The following PDE4D variants were observed in gnomAD, a reference collection of about 807,000 sequenced individuals.
PDE4D encodes the protein phosphodiesterase 4D.
Under a neutral mutation model 87.4 loss-of-function variants are expected in PDE4D, and 24 were observed. The observed-to-expected ratio is 0.27, with a 90% CI of 0.20 to 0.39. The LOEUF (loss-of-function observed/expected upper bound fraction) is 0.39, where lower values mean the gene tolerates loss of function less well. Among genes scored for constraint, PDE4D ranks in the 10% least tolerant of loss-of-function variants. The pLI is 1.00. For missense variants in PDE4D, 714 were observed against 1,041.0 expected (o/e 0.69, Z 4.32); for synonymous variants, 384 against 383.2 (o/e 1.00, Z -0.02).
intron 1 of PDE4D, among the ~76,000 whole-genome samples, chr5:59,257,367 A>T (rs1281190134): frequency 6.6e-6 from 1 of 151,996 alleles, no homozygotes; most frequent in African/African-American, 2.4e-5. Flanking sequence ...TAAGAATATC[A>T]GTACCTGGCC....
At chr5:60,298,635 T>A (rs1753622183) in intron 1 of PDE4D, among the ~76,000 whole-genome samples, 1 of 152,252 alleles carries the variant, frequency 6.6e-6, no homozygotes, top group Non-Finnish European at 1.5e-5. Context: ...TTAGCTCTCC[T>A]ATCATTTTTT....
intron 1 of PDE4D, among the ~76,000 whole-genome samples, chr5:59,385,280 A>C (rs975944177): frequency 6.6e-6 from 1 of 152,144 alleles, no homozygotes; most frequent in African/African-American, 2.4e-5. Context: ...GTCACATTTT[A>C]TAGAAGCTCA....
intron 1 of PDE4D, chr5:59,217,928 G>A (rs906353749): frequency 4.7e-6 from 2 of 423,030 alleles, no homozygotes; most frequent in Non-Finnish European, 9.4e-6. Flanking sequence ...GCTTAAATAG[G>A]CATTTATTAA....
At chr5:59,454,028 C>T (rs1164591283) in intron 1 of PDE4D, among the ~76,000 whole-genome samples, 1 of 152,168 alleles carries the variant, frequency 6.6e-6, no homozygotes, top group East Asian at 1.9e-4. Flanking sequence ...ATCCTGGGGC[C>T]ATTCAGAATT....
At chr5:58,978,081 CT>C (rs1240993912) in intron 11 of PDE4D, among the ~76,000 whole-genome samples, 4 of 152,152 alleles carry the variant, frequency 2.6e-5, no homozygotes, top group Non-Finnish European at 5.9e-5. Context: ...TCTCCTACTT[CT>C]TGTAAATAGC....
chr5:59,120,572 C>T (rs930769711), intron 5 of PDE4D, among the ~76,000 whole-genome samples: 1 of 145,108 alleles, frequency 6.9e-6, no homozygotes, highest in Non-Finnish European at 1.5e-5. Context: ...TTCTTTCTCC[C>T]TTTCTCTTTA....
chr5:59,327,102 C>T (rs1053412879), intron 1 of PDE4D, among the ~76,000 whole-genome samples: 1 of 146,394 alleles, frequency 6.8e-6, no homozygotes, highest in Non-Finnish European at 1.5e-5. Flanking sequence ...TATTATTCTG[C>T]TGTCTCATAT....
chr5:60,307,726 T>TA (rs1323869183), intron 1 of PDE4D, among the ~76,000 whole-genome samples: 1 of 151,538 alleles, frequency 6.6e-6, no homozygotes, highest in Non-Finnish European at 1.5e-5. Flanking sequence ...GGTGCAAAAG[T>TA]AATTGCTGTT....
chr5:60,138,390 C>T (rs1780231463), intron 2 of PDE4D, among the ~76,000 whole-genome samples: 1 of 152,098 alleles, frequency 6.6e-6, no homozygotes, highest in Non-Finnish European at 1.5e-5. Flanking sequence ...TAGGTTTATT[C>T]AATCAATCTT....
At chr5:59,500,636 GA>G (rs144410919) in intron 1 of PDE4D, among the ~76,000 whole-genome samples, 5,573 of 152,202 alleles carry the variant, frequency 0.037, 161 homozygotes, top group Admixed American at 0.083. Flanking sequence ...AGCAAGTGTT[GA>G]AAAACTCCCT....
chr5:59,453,603 T>C (rs999468188), intron 1 of PDE4D, among the ~76,000 whole-genome samples: 1 of 152,210 alleles, frequency 6.6e-6, no homozygotes, highest in Non-Finnish European at 1.5e-5. Context: ...AGCCACAACA[T>C]TCCCTTAAGA....
chr5:60,050,223 T>A (rs535740787), intron 2 of PDE4D, among the ~76,000 whole-genome samples: 1 of 152,284 alleles, frequency 6.6e-6, no homozygotes, highest in South Asian at 2.1e-4. Flanking sequence ...CTGCTTCGGC[T>A]CGCGCATGGT....
intron 2 of PDE4D, among the ~76,000 whole-genome samples, chr5:60,081,191 T>C (rs1201101556): frequency 6.6e-6 from 1 of 152,180 alleles, no homozygotes; most frequent in African/African-American, 2.4e-5. Flanking sequence ...TATTCTCTGA[T>C]GGTAGTTTGT....
At chr5:59,472,357 G>A (rs1439220681) in intron 1 of PDE4D, among the ~76,000 whole-genome samples, 1 of 152,094 alleles carries the variant, frequency 6.6e-6, no homozygotes, top group East Asian at 1.9e-4. Flanking sequence ...AAGAGAGAGT[G>A]GAAAGGCTGG....
At chr5:59,765,792 A>G (rs186504276) in intron 1 of PDE4D, among the ~76,000 whole-genome samples, 3 of 152,228 alleles carry the variant, frequency 2.0e-5, no homozygotes, top group Admixed American at 1.3e-4. Context: ...CACTGTGTCA[A>G]TCCAATGAGA....
intron 1 of PDE4D, among the ~76,000 whole-genome samples, chr5:59,610,740 T>C (rs1382140084): frequency 6.6e-6 from 1 of 151,966 alleles, no homozygotes; most frequent in Non-Finnish European, 1.5e-5. Flanking sequence ...AATGAAACAA[T>C]AAGTAAACGA....
At chr5:59,581,869 T>G (rs1444744227) in intron 1 of PDE4D, among the ~76,000 whole-genome samples, 1 of 152,160 alleles carries the variant, frequency 6.6e-6, no homozygotes, top group South Asian at 2.1e-4. Context: ...AGGATCGATA[T>G]CTCATATAAT....
chr5:59,236,064 G>C (rs532009929), intron 1 of PDE4D, among the ~76,000 whole-genome samples: 2 of 152,196 alleles, frequency 1.3e-5, no homozygotes, highest in Admixed American at 1.3e-4. Flanking sequence ...TTGTTACATG[G>C]CTATATTGCA....
intron 1 of PDE4D, among the ~76,000 whole-genome samples, chr5:59,218,446 C>T (rs973999731): frequency 6.6e-6 from 1 of 151,936 alleles, no homozygotes; most frequent in African/African-American, 2.4e-5. Context: ...TGCTAAATAC[C>T]TTAAGTCATT....
Sources: gnomAD v4.1 joint callset for allele counts (sites outside exome capture counted in the v4.1 genomes callset) on GRCh38, gnomAD v4.1.1 for gene constraint, MANE v1.5 for transcripts, NCBI Gene and HGNC (gene_info 2026-07-23, HGNC 2026-07-21) for gene names.